Variants in CALN1 observed in about 807,000 individuals in gnomAD.
CALN1 encodes calneuron 1, also known as calcium-binding protein 8.
In CALN1, 17 loss-of-function variants were observed where a neutral mutation model predicts 30.6. The observed-to-expected ratio is 0.56, with a 90% confidence interval of 0.38 to 0.83. The LOEUF is 0.83. Among genes scored for constraint, CALN1 ranks in the 40% least tolerant of loss-of-function variants. The probability of loss-of-function intolerance (pLI) is 0.00; values close to 1 mark genes in which losing one functional copy is unlikely to be tolerated. For missense variants in CALN1, 291 were observed against 354.9 expected (o/e 0.82, Z 1.45); for synonymous variants, 156 against 131.4 (o/e 1.19, Z -1.28).
chr7:72,345,047 T>C (rs1183103356), intron 2 of CALN1, among the ~76,000 whole-genome samples: 2 of 148,150 alleles, frequency 1.3e-5, no homozygotes, highest in Non-Finnish European at 3.0e-5. Flanking sequence ...ATATATTATA[T>C]CGTATGTACT....
At position 71,894,257 on chromosome 7, in the gene CALN1, T is replaced by C. The variant is rs1562878877; in HGVS notation, c.502-83765A>G. On this transcript the variant is annotated intron_variant, in intron 5 of 6. Transcript: ENST00000395275. ...AAATACTATAACTTTATACTGTGTT[T>C]TAATATCCCATTGGCCAAGTCTCAC... 2.6e-5 allele frequency among the ~76,000 whole-genome samples: 4 copies of C among 152,284 alleles called. No individual in the cohort carries two copies. The East Asian group carries it at 7.7e-4, about 29-fold the overall frequency.
chr7:72,091,428 G>C (rs538464074), intron 4 of CALN1, among the ~76,000 whole-genome samples: 1 of 152,262 alleles, frequency 6.6e-6, no homozygotes, highest in East Asian at 1.9e-4. Context: ...GAAATTGTGA[G>C]CACTTTAGGC....
At chr7:72,216,588 A>G (rs993194527) in intron 3 of CALN1, among the ~76,000 whole-genome samples, 2 of 152,000 alleles carry the variant, frequency 1.3e-5, no homozygotes, top group African/African-American at 4.8e-5. Flanking sequence ...TGGCTCTCTA[A>G]GCTCTTGTCA....
rs116917858 is a variant in CALN1 at position 72,164,028 on chromosome 7, C to T, written c.245-57734G>A. Among the ~76,000 whole-genome samples the T allele has an allele frequency of 1.8e-4, 27 of 152,114 alleles. No individual in the cohort carries two copies. The East Asian group carries it at 4.6e-3, about 26-fold the overall frequency. ...ATACACATTAAAGAGAGAGAAAAAA[C>T]GGAGTAGGATGGACTCTAATCCAAC... On this transcript the variant is annotated intron_variant, in intron 3 of 6. Coordinates refer to ENST00000395275, the MANE Select transcript of CALN1 (RefSeq NM_031468.4).
intron 5 of CALN1, among the ~76,000 whole-genome samples, chr7:71,834,348 T>TAAAAAAAAAA (rs60091117): frequency 1.1e-5 from 1 of 89,830 alleles, no homozygotes. Flanking sequence ...CGATCCACCC[T>TAAAAAAAAAA]AAAAAAAAAA....
intron 3 of CALN1, among the ~76,000 whole-genome samples, chr7:72,199,008 C>T (rs560410160): frequency 2.0e-5 from 3 of 152,174 alleles, no homozygotes; most frequent in Non-Finnish European, 4.4e-5. Flanking sequence ...GGCGCAGTGG[C>T]TCATGCCTGT....
chr7:72,388,469 TG>T (rs1278440246), intron 2 of CALN1, among the ~76,000 whole-genome samples: 2 of 152,128 alleles, frequency 1.3e-5, no homozygotes, highest in Non-Finnish European at 2.9e-5. Context: ...GCCTAAATCA[TG>T]AGCCTTAATA....
intron 3 of CALN1, among the ~76,000 whole-genome samples, 198 bp from the exon 4 acceptor site, chr7:72,106,492 G>A (rs1231353656): frequency 6.8e-6 from 1 of 147,310 alleles, no homozygotes; most frequent in African/African-American, 2.5e-5. Context: ...AGAGAAAAAA[G>A]GAAATGGAAG....
intron 2 of CALN1, among the ~76,000 whole-genome samples, chr7:72,279,713 A>C (rs1797604643): frequency 6.6e-6 from 1 of 152,226 alleles, no homozygotes; most frequent in African/African-American, 2.4e-5. Flanking sequence ...GGAAAGGCAG[A>C]TGGGAAGATT....
At chr7:72,044,762 C>T (rs991996670) in intron 4 of CALN1, among the ~76,000 whole-genome samples, 1 of 151,832 alleles carries the variant, frequency 6.6e-6, no homozygotes, top group Non-Finnish European at 1.5e-5. Flanking sequence ...CAGGGGTGCG[C>T]CACCATGCCT....
intron 5 of CALN1, among the ~76,000 whole-genome samples, chr7:71,957,962 G>A (rs1017661596): frequency 1.3e-5 from 2 of 151,546 alleles, no homozygotes; most frequent in African/African-American, 4.8e-5. Flanking sequence ...CTACTTGGGA[G>A]GCTGAGGCAG....
upstream of CALN1, among the ~76,000 whole-genome samples, chr7:72,415,859 C>G (rs1384399004): frequency 6.6e-6 from 1 of 152,200 alleles, no homozygotes; most frequent in Non-Finnish European, 1.5e-5. Flanking sequence ...GCTCCTTCAC[C>G]TAGGGCTTCC....
intron 5 of CALN1, among the ~76,000 whole-genome samples, chr7:71,850,969 T>C (rs1005516307): frequency 2.0e-5 from 3 of 152,184 alleles, no homozygotes; most frequent in African/African-American, 2.4e-5. Flanking sequence ...TCCCAGAGCA[T>C]TGGGAGACTA....
At chr7:72,016,248 CAA>C (rs1216381592) in intron 5 of CALN1, among the ~76,000 whole-genome samples, 7 of 73,368 alleles carry the variant, frequency 9.5e-5, no homozygotes, top group Admixed American at 1.4e-4. Context: ...GACTCCATCT[CAA>C]AAAAAAAAAA....
intron 5 of CALN1, among the ~76,000 whole-genome samples, chr7:71,847,480 T>A (rs1790332027): frequency 6.6e-6 from 1 of 151,224 alleles, no homozygotes; most frequent in South Asian, 2.1e-4. Context: ...TGAAACCCCA[T>A]CTCTACTAAA....
At chr7:72,226,811 G>A (rs1793708248) in intron 3 of CALN1, among the ~76,000 whole-genome samples, 1 of 152,188 alleles carries the variant, frequency 6.6e-6, no homozygotes, top group African/African-American at 2.4e-5. Context: ...GGGAGGCCAA[G>A]GTGAGCAGAT....
At chr7:72,299,976 G>T (rs528097742) in intron 2 of CALN1, among the ~76,000 whole-genome samples, 1 of 151,910 alleles carries the variant, frequency 6.6e-6, no homozygotes, top group African/African-American at 2.4e-5. Flanking sequence ...CTGCCTCCCC[G>T]GTTTAAGCAT....
At chr7:71,828,086 G>C (rs182031378) in intron 5 of CALN1, among the ~76,000 whole-genome samples, 1 of 152,062 alleles carries the variant, frequency 6.6e-6, no homozygotes, top group East Asian at 1.9e-4. Flanking sequence ...GCATTTCCTC[G>C]GGTAAAATTA....
chr7:72,392,023 C>T (rs924127654), intron 2 of CALN1, among the ~76,000 whole-genome samples: 3 of 152,192 alleles, frequency 2.0e-5, no homozygotes, highest in Admixed American at 2.0e-4. Context: ...AGGTTAAGTC[C>T]TAAAATGCCA....
Sources: gnomAD v4.1 joint callset for allele counts (sites outside exome capture counted in the v4.1 genomes callset) on GRCh38, gnomAD v4.1.1 for gene constraint, MANE v1.5 for transcripts, NCBI Gene and HGNC (gene_info 2026-07-23, HGNC 2026-07-21) for gene names.